The following FOXP1 variants were observed in gnomAD, a reference collection of about 807,000 sequenced individuals.
The protein encoded by FOXP1 is forkhead box protein P1.
A neutral mutation model predicts 98.2 loss-of-function variants in FOXP1; 15 were observed. The ratio of observed to expected loss-of-function variants is 0.15; its 90% CI spans 0.10 to 0.24. The LOEUF is 0.24. Ranked by LOEUF, FOXP1 falls within the 10% of genes least tolerant of loss-of-function variation. The pLI is 1.00. For synonymous variants in FOXP1, 371 were observed against 314.5 expected, an observed-to-expected ratio of 1.18 and a Z score of -1.90; for missense variants, 633 against 848.5, an observed-to-expected ratio of 0.75 and a Z score of 3.15.
At chr3:71,490,524 G>C (rs2090990076) in intron 3 of FOXP1, among the ~76,000 whole-genome samples, 2 of 151,584 alleles carry the variant, frequency 1.3e-5, no homozygotes. Context: ...GAGGAGAATA[G>C]AAAATCAGAA....
At chr3:71,472,098 T>G (rs1053442225) in intron 3 of FOXP1, among the ~76,000 whole-genome samples, 1 of 152,226 alleles carries the variant, frequency 6.6e-6, no homozygotes, top group Non-Finnish European at 1.5e-5. Context: ...TCATTATGTT[T>G]TGTGTGCTTC....
intron 3 of FOXP1, among the ~76,000 whole-genome samples, chr3:71,483,339 G>C (rs1267461305): frequency 6.6e-6 from 1 of 152,136 alleles, no homozygotes; most frequent in East Asian, 1.9e-4. Flanking sequence ...AAAAACTGAT[G>C]ACATTATTAT....
chr3:71,158,083 A>AAGGAAGGAAG lies in FOXP1; in HGVS notation c.180+40118_180+40119insCTTCCTTCCT, dbSNP rs1391195041. ...AGCCTGGGTGGGAGGGTAAGACGAAAGAAGGAAGGAAGGAAGGAAGGAAGG... is the reference window on the plus strand; with the variant it reads ...AGCCTGGGTGGGAGGGTAAGACGAAAAGGAAGGAAGGAAGGAAGGAAGGAAGGAAGGAAGG... On this transcript the variant is annotated intron_variant, in intron 6 of 20. Coordinates refer to ENST00000649528, the MANE Select transcript of FOXP1 (RefSeq NM_001349338.3). Among the ~76,000 whole-genome samples the AAGGAAGGAAG allele has an allele frequency of 8.2e-3, 346 of 42,112 alleles. 73 individuals are homozygous for AAGGAAGGAAG. Among genetic ancestry groups the AAGGAAGGAAG allele is most frequent in the Non-Finnish European group, 0.01 (242 of 23,116 alleles). 27.6% of individuals were successfully genotyped at this position (42,112 alleles called of 152,430 possible).
intron 2 of FOXP1, among the ~76,000 whole-genome samples, chr3:71,549,886 A>AC (rs2045644579): frequency 1.4e-5 from 2 of 140,614 alleles, no homozygotes; most frequent in Non-Finnish European, 3.1e-5. Flanking sequence ...AAAAAAAAAA[A>AC]CGCTCTCTGG....
chr3:71,048,757 A>C (rs1440079588), intron 9 of FOXP1, among the ~76,000 whole-genome samples: 6 of 150,402 alleles, frequency 4.0e-5, no homozygotes, highest in Non-Finnish European at 7.4e-5. Context: ...AACAACATTG[A>C]CACAATAAAA....
chr3:71,066,863 A>C (rs2052580892), intron 7 of FOXP1, among the ~76,000 whole-genome samples: 1 of 152,232 alleles, frequency 6.6e-6, no homozygotes, highest in South Asian at 2.1e-4. Flanking sequence ...AATAGTCTGC[A>C]GGTGCATCAA....
chr3:71,439,152 G>C (rs540324323), intron 3 of FOXP1, among the ~76,000 whole-genome samples: 1 of 152,214 alleles, frequency 6.6e-6, no homozygotes, highest in Non-Finnish European at 1.5e-5. Flanking sequence ...TGCAGAGCTC[G>C]GGCAGACTTC....
At chr3:71,048,604 A>T (rs2049371621) in intron 9 of FOXP1, among the ~76,000 whole-genome samples, 1 of 152,188 alleles carries the variant, frequency 6.6e-6, no homozygotes, top group Admixed American at 6.5e-5. Flanking sequence ...AGCATGCATA[A>T]AATGATCCAA....
At chr3:71,454,403 C>G (rs1341017558) in intron 3 of FOXP1, among the ~76,000 whole-genome samples, 1 of 152,138 alleles carries the variant, frequency 6.6e-6, no homozygotes, top group Non-Finnish European at 1.5e-5. Context: ...AGCTAAGGCA[C>G]AGAGAGAGAC....
At chr3:71,429,864 G>A (rs970641777) in intron 3 of FOXP1, among the ~76,000 whole-genome samples, 1 of 152,172 alleles carries the variant, frequency 6.6e-6, no homozygotes, top group Non-Finnish European at 1.5e-5. Flanking sequence ...AAAATGATGT[G>A]TGGTTTATTC....
intron 4 of FOXP1, among the ~76,000 whole-genome samples, chr3:71,350,234 A>G (rs2077689922): frequency 6.6e-6 from 1 of 152,150 alleles, no homozygotes; most frequent in Non-Finnish European, 1.5e-5. Flanking sequence ...GTCATTCAAA[A>G]GCAAGTCTGA....
At chr3:71,524,348 G>A (rs1245620401) in intron 2 of FOXP1, among the ~76,000 whole-genome samples, 2 of 152,024 alleles carry the variant, frequency 1.3e-5, no homozygotes, top group African/African-American at 2.4e-5. Context: ...GGGTGCCATA[G>A]TGAGACTGTC....
chr3:71,355,703 G>T (rs1018221921), intron 4 of FOXP1, among the ~76,000 whole-genome samples: 2 of 152,178 alleles, frequency 1.3e-5, no homozygotes, highest in South Asian at 4.2e-4. Context: ...GCCTATGTCA[G>T]GCAGACCCCT....
At chr3:71,082,664 A>C (rs982974299) in intron 7 of FOXP1, among the ~76,000 whole-genome samples, 52 of 152,176 alleles carry the variant, frequency 3.4e-4, no homozygotes, top group Non-Finnish European at 5.1e-4. Flanking sequence ...CAAAAAAAAA[A>C]CAGACAAAAA....
intron 1 of FOXP1, chr3:71,582,564 A>C (rs1578279841): frequency 5.1e-6 from 5 of 985,468 alleles, no homozygotes; most frequent in Non-Finnish European, 6.0e-6. Flanking sequence ...CGCGCGACGC[A>C]GGACAAATCG....
intron 3 of FOXP1, among the ~76,000 whole-genome samples, chr3:71,408,744 G>A (rs1302433101): frequency 6.6e-6 from 1 of 152,104 alleles, no homozygotes; most frequent in Non-Finnish European, 1.5e-5. Context: ...TAGAGGCAAG[G>A]GGCAGCAGAC....
chr3:71,219,793 T>A (rs2065215408), intron 5 of FOXP1, among the ~76,000 whole-genome samples: 1 of 152,252 alleles, frequency 6.6e-6, no homozygotes, highest in Non-Finnish European at 1.5e-5. Flanking sequence ...TCTCCTTTTA[T>A]TTCTACTGTG....
chr3:71,118,888 G>A (rs191025802), intron 6 of FOXP1, among the ~76,000 whole-genome samples: 175 of 152,162 alleles, frequency 1.2e-3, no homozygotes, highest in African/African-American at 4.0e-3. Flanking sequence ...TGCTACAAAC[G>A]GAGTCAAGGA....
At chr3:71,521,442 G>A (rs933645796) in intron 2 of FOXP1, among the ~76,000 whole-genome samples, 35 of 151,420 alleles carry the variant, frequency 2.3e-4, no homozygotes, top group African/African-American at 7.8e-4. Context: ...CAGGAGAATC[G>A]CTTGAGCCTG....
Sources: allele counts gnomAD v4.1 joint callset (sites outside exome capture counted in the v4.1 genomes callset), GRCh38; gene constraint gnomAD v4.1.1; transcripts MANE v1.5; gene names NCBI Gene and HGNC (gene_info 2026-07-23, HGNC 2026-07-21).